Variants in ANOS1 observed in about 807,000 individuals in gnomAD.
The protein encoded by ANOS1 is anosmin-1.
In ANOS1, 6 loss-of-function variants were observed where a neutral mutation model predicts 59.0. That is an observed-to-expected ratio of 0.10 (90% CI 0.06 to 0.20). ANOS1 has a LOEUF of 0.20. ANOS1 is among the 10% of genes least tolerant of loss of function. The pLI is 1.00. For synonymous variants in ANOS1, 217 were observed against 223.4 expected, an observed-to-expected ratio of 0.97 and a Z score of 0.25; for missense variants, 433 against 542.3, an observed-to-expected ratio of 0.80 and a Z score of 2.00.
intron 9 of ANOS1, among the ~76,000 whole-genome samples, chrX:8,551,845 C>T (rs759725057): frequency 6.3e-5 from 7 of 112,000 alleles, no homozygotes; most frequent in South Asian, 3.7e-4. Context: ...TGGTGGCACA[C>T]GCCTATAATC....
intron 3 of ANOS1, among the ~76,000 whole-genome samples, chrX:8,612,963 A>G (rs1211952554): frequency 9.0e-5 from 10 of 111,635 alleles, no homozygotes; most frequent in African/African-American, 1.9e-4. Flanking sequence ...TTCCTCCATG[A>G]AAGCTCTACC....
intron 3 of ANOS1, among the ~76,000 whole-genome samples, chrX:8,620,568 A>T (rs1239272523): frequency 8.9e-6 from 1 of 111,877 alleles, no homozygotes; most frequent in African/African-American, 3.3e-5. Context: ...TCCATAAGTG[A>T]CTAGGCTTAA....
At chrX:8,695,699 GAAAAAAA>G (rs774226890) in intron 2 of ANOS1, among the ~76,000 whole-genome samples, 1 of 51,773 alleles carries the variant, frequency 1.9e-5, no homozygotes, top group South Asian at 1.1e-3. Context: ...TATAAGGGTG[GAAAAAAA>G]AAAAAAAAAA....
At chrX:8,702,133 C>T (rs978814977) in intron 1 of ANOS1, among the ~76,000 whole-genome samples, 1 of 110,331 alleles carries the variant, frequency 9.1e-6, no homozygotes, top group Non-Finnish European at 1.9e-5. Context: ...TCTCTCCCCC[C>T]ACATCTATGT....
At chrX:8,578,345 G>C (rs1276793882) in intron 6 of ANOS1, among the ~76,000 whole-genome samples, 1 of 108,290 alleles carries the variant, frequency 9.2e-6, no homozygotes, top group Admixed American at 1.0e-4. Flanking sequence ...TAGCAAAGCT[G>C]CTGAAGCTAC....
intron 4 of ANOS1, 60 bp downstream of exon 4, chrX:8,596,974 G>C: frequency 8.3e-7 from 1 of 1,205,845 alleles, no homozygotes; most frequent in Non-Finnish European, 1.1e-6. Context: ...CCCTTCCCTA[G>C]GCACACACAG....
At chrX:8,630,134 A>G (rs1047034078) in intron 2 of ANOS1, among the ~76,000 whole-genome samples, 1 of 112,275 alleles carries the variant, frequency 8.9e-6, no homozygotes, top group Non-Finnish European at 1.9e-5. Context: ...TAAACGAGTT[A>G]AGAACGACAT....
At chrX:8,551,798 C>T (rs1284001712) in intron 9 of ANOS1, among the ~76,000 whole-genome samples, 1 of 111,786 alleles carries the variant, frequency 8.9e-6, no homozygotes, top group East Asian at 2.8e-4. Flanking sequence ...CATGGTGAAA[C>T]CCCATATCTA....
At chrX:8,719,290 A>G (rs1932859964) in intron 1 of ANOS1, among the ~76,000 whole-genome samples, 2 of 112,573 alleles carry the variant, frequency 1.8e-5, no homozygotes. Context: ...GCATTTAAAG[A>G]CAAGGACTGG....
At chrX:8,619,331 C>T (rs1376179497) in intron 3 of ANOS1, among the ~76,000 whole-genome samples, 1 of 110,870 alleles carries the variant, frequency 9.0e-6, no homozygotes, top group Non-Finnish European at 1.9e-5. Flanking sequence ...ATTGGCCGGG[C>T]AAGGTGGCTC....
At chrX:8,723,580 A>G (rs928865632) in intron 1 of ANOS1, among the ~76,000 whole-genome samples, 1 of 112,370 alleles carries the variant, frequency 8.9e-6, no homozygotes, top group African/African-American at 3.2e-5. Context: ...CAAATGCTAC[A>G]TTTGTTCCTT....
At chrX:8,533,628 C>T (rs1929536428) in intron 13 of ANOS1, among the ~76,000 whole-genome samples, 1 of 111,739 alleles carries the variant, frequency 8.9e-6, no homozygotes, top group Non-Finnish European at 1.9e-5. Context: ...ATAAAGTAAA[C>T]GAAGTACATA....
At chrX:8,554,565 T>TG (rs1440681186) in intron 8 of ANOS1, among the ~76,000 whole-genome samples, 110 of 99,372 alleles carry the variant, frequency 1.1e-3, no homozygotes, top group African/African-American at 3.9e-3. Flanking sequence ...TTTTTTTTTT[T>TG]TTTTTGTTGT....
intron 2 of ANOS1, among the ~76,000 whole-genome samples, chrX:8,649,688 C>T (rs777506147): frequency 4.5e-5 from 5 of 112,236 alleles, no homozygotes; most frequent in Middle Eastern, 4.2e-3. Flanking sequence ...GTCCAAGTTC[C>T]CCAATTTAAA....
At chrX:8,682,218 T>C (rs1035520210) in intron 2 of ANOS1, among the ~76,000 whole-genome samples, 1 of 108,629 alleles carries the variant, frequency 9.2e-6, no homozygotes, top group African/African-American at 3.4e-5. Context: ...AGCAAAAAAC[T>C]ACAAGTCATG....
At chrX:8,653,838 A>C (rs1931887456) in intron 2 of ANOS1, among the ~76,000 whole-genome samples, 1 of 112,093 alleles carries the variant, frequency 8.9e-6, no homozygotes, top group Non-Finnish European at 1.9e-5. Context: ...CACAGTAGGT[A>C]TTCAATAAAT....
intron 2 of ANOS1, among the ~76,000 whole-genome samples, chrX:8,695,148 C>A (rs1319067386): frequency 9.0e-6 from 1 of 111,328 alleles, no homozygotes; most frequent in African/African-American, 3.3e-5. Context: ...CCCATCTCTA[C>A]TAAAAATACA....
At chrX:8,536,593 T>C (rs1929598308) in intron 11 of ANOS1, among the ~76,000 whole-genome samples, 178 bp downstream of exon 11, 1 of 112,210 alleles carries the variant, frequency 8.9e-6, no homozygotes, top group African/African-American at 3.2e-5. Flanking sequence ...CCTGTTAGGC[T>C]TTAAAATAAC....
At chrX:8,731,769 C>A in intron 1 of ANOS1, 61 bp downstream of exon 1, 1 of 1,149,095 alleles carries the variant, frequency 8.7e-7, no homozygotes, top group African/African-American at 1.8e-5. Flanking sequence ...GGCGCGCGCC[C>A]CGGTGCGCCC....
Sources: gnomAD v4.1 joint callset for allele counts (sites outside exome capture counted in the v4.1 genomes callset) on GRCh38, gnomAD v4.1.1 for gene constraint, MANE v1.5 for transcripts, NCBI Gene and HGNC (gene_info 2026-07-23, HGNC 2026-07-21) for gene names.